The following NUP35 variants were observed in gnomAD, a reference collection of about 807,000 sequenced individuals.
The protein encoded by NUP35 is nucleoporin NUP35.
NUP35 carries 25 observed loss-of-function variants against 41.5 expected under a neutral mutation model. The ratio of observed to expected loss-of-function variants is 0.60; its 90% CI spans 0.44 to 0.84. The LOEUF is 0.84. Among genes scored for constraint, NUP35 ranks in the 40% least tolerant of loss-of-function variants. NUP35 has a pLI of 0.00. For synonymous variants in NUP35, 149 were observed against 130.7 expected (o/e 1.14, Z -0.96); for missense variants, 396 against 396.6 (o/e 1.00, Z 0.01).
intron 4 of NUP35, among the ~76,000 whole-genome samples, chr2:183,149,882 TC>T (rs1175163851): frequency 2.2e-4 from 34 of 152,172 alleles, no homozygotes; most frequent in Non-Finnish European, 1.5e-5. Flanking sequence ...AGTGTAATAA[TC>T]ACTTAATAAA....
In NUP35 at chr2:183,118,647, G is replaced by C. The variant is rs938118736; in HGVS notation, c.-121+1021G>C. The C allele has an allele frequency of 2.6e-5, 4 of 152,134 alleles. 1 individual carries two copies. The South Asian group carries it at 8.3e-4, about 32-fold the overall frequency. The allele number at this position is 152,134 out of a possible 1,614,324, so 9.4% of individuals were successfully genotyped here. ...TATGTTGTCAGCGGCAAATCCATAC[G>C]GGTCTGCAACAACAATTCTTGTGTC... is the stretch of plus-strand genomic sequence containing the variant. On this transcript the variant is annotated intron_variant, in intron 1 of 9. Coordinates refer to the NUP35 transcript ENST00000409798.
rs142308748 is a variant in NUP35, at chr2:183,135,495, A to C, written c.397+1872A>C. On this transcript the variant is annotated intron_variant, in intron 4 of 8. Coordinates refer to ENST00000295119, the MANE Select transcript of NUP35 (RefSeq NM_138285.5). ...TAGGTTATTGTCACAATTGGTCTTT[A>C]CCCAGAAAAGGTGGAAGACAATAAG... Among the ~76,000 whole-genome samples the C allele has an allele frequency of 4.0e-3, 602 of 152,278 alleles. 9 individuals are homozygous for C. The highest frequency in any genetic ancestry group is 0.017 in the East Asian group (86 of 5,182).
chr2:183,126,730 C>T (rs1684504361), intron 1 of NUP35, among the ~76,000 whole-genome samples: 1 of 151,550 alleles, frequency 6.6e-6, no homozygotes. Flanking sequence ...TAGTTGGCAG[C>T]TTTCGGATAT....
intron 1 of NUP35, chr2:183,118,221 T>A (rs1326559890): frequency 6.6e-6 from 1 of 152,328 alleles, no homozygotes; most frequent in African/African-American, 2.4e-5. Context: ...ATTTGACAGT[T>A]TATTTAGTGC....
chr2:183,159,451 G>A lies in NUP35; in HGVS notation c.739-37G>A. 5 of 1,559,510 alleles carry A rather than the reference G, an allele frequency of 3.2e-6. No individual in the cohort carries two copies. The South Asian group carries it at 5.7e-5, about 18-fold the overall frequency. On this transcript the variant is annotated intron_variant, in intron 7 of 8. Transcript: ENST00000295119. ...TGTAATACTGGATGATATGTATTAT[G>A]TTTATAAACAAAGGAGTTATTTCTT...
chr2:183,133,739 T>C, intron 4 of NUP35, 116 bp downstream of exon 4: 3 of 549,270 alleles, frequency 5.5e-6, no homozygotes, highest in Non-Finnish European at 8.7e-6. Context: ...CAAATACTTC[T>C]CTATTCTTCG....
At chr2:183,145,535 G>C (rs1685250450) in intron 4 of NUP35, among the ~76,000 whole-genome samples, 1 of 152,132 alleles carries the variant, frequency 6.6e-6, no homozygotes, top group South Asian at 2.1e-4. Context: ...ATGTACTTTA[G>C]TATTCCTCCA....
intron 4 of NUP35, among the ~76,000 whole-genome samples, chr2:183,147,229 G>GT (rs1685311292): frequency 6.6e-6 from 1 of 152,076 alleles, no homozygotes. Context: ...GTCAATCTTT[G>GT]TTTTTGTTGT....
chr2:183,158,197 T>C lies in NUP35; in HGVS notation c.610-86T>C, dbSNP rs1268883480. ...AATACGGAATGGAAGTAAATTTATCTTACCATGTTCCTATTTTCTAGTAGA... is the reference window on the plus strand; with the variant it reads ...AATACGGAATGGAAGTAAATTTATCCTACCATGTTCCTATTTTCTAGTAGA... On this transcript the variant is annotated intron_variant, in intron 6 of 8. Transcript: ENST00000295119. The C allele has an allele frequency of 9.7e-6, 10 of 1,028,798 alleles. No individual in the cohort carries two copies. In the Admixed American group the frequency reaches 2.2e-4, roughly 22 times the overall value. The allele number at this position is 1,028,798 out of a possible 1,614,324, so 63.7% of individuals were successfully genotyped here.
intron 1 of NUP35, chr2:183,118,935 T>C (rs1000028737): frequency 1.3e-5 from 2 of 152,214 alleles, no homozygotes; most frequent in South Asian, 2.1e-4. Flanking sequence ...GTTAGCACTT[T>C]GGAGGTAAGC....
At chr2:183,160,641 A>C (rs1333592793) in intron 8 of NUP35, 1 of 152,112 alleles carries the variant, frequency 6.6e-6, no homozygotes, top group Non-Finnish European at 1.5e-5. Context: ...GGCCTCCCAA[A>C]GTGCTGGGAT....
At chr2:183,124,377 G>A (rs1003970773), upstream of NUP35, 2 of 1,612,880 alleles carry the variant, frequency 1.2e-6, no homozygotes, top group Admixed American at 1.7e-5. Flanking sequence ...AAGGTAGCAC[G>A]CCGTTACCCG....
At chr2:183,132,880 C>A (rs1347905730) in intron 3 of NUP35, among the ~76,000 whole-genome samples, 1 of 152,184 alleles carries the variant, frequency 6.6e-6, no homozygotes, top group Admixed American at 6.5e-5. Flanking sequence ...AACATTCTCT[C>A]AGCATTTAGT....
upstream of NUP35, among the ~76,000 whole-genome samples, chr2:183,119,736 G>A (rs1434434723): frequency 1.3e-5 from 2 of 152,102 alleles, no homozygotes; most frequent in Non-Finnish European, 2.9e-5. Context: ...CTAGGCTGGA[G>A]TTCAGTAACA....
chr2:183,141,186 A>G (rs72894546), intron 4 of NUP35, among the ~76,000 whole-genome samples: 4,895 of 151,678 alleles, frequency 0.032, 95 homozygotes, highest in Non-Finnish European at 0.043. Flanking sequence ...TCTTCAAAGC[A>G]TATCATTCCA....
chr2:183,159,426 T>G lies in NUP35; in HGVS notation c.739-62T>G, dbSNP rs562754889. The G allele has an allele frequency of 7.4e-5, 92 of 1,237,510 alleles. 1 individual carries two copies. In the South Asian group the frequency reaches 7.6e-4, roughly 10 times the overall value. The allele number at this position is 1,237,510 out of a possible 1,614,324, so 76.7% of individuals were successfully genotyped here. A position where few individuals can be genotyped will look rare whatever the true frequency, so the allele number is the denominator to read the frequency against. On this transcript the variant is annotated intron_variant, in intron 7 of 8. Transcript: ENST00000295119. ...TTTTAATTAAATTTTCTAAGTAGGA[T>G]GTAATACTGGATGATATGTATTATG...
intron 1 of NUP35, among the ~76,000 whole-genome samples, chr2:183,117,986 T>C (rs1299016646): frequency 6.6e-6 from 1 of 152,212 alleles, no homozygotes; most frequent in South Asian, 2.1e-4. Context: ...AAGAGTCACC[T>C]GGAGTTGCGA....
At chr2:183,150,931 GAC>G (rs2105601169) in intron 4 of NUP35, among the ~76,000 whole-genome samples, 1 of 152,306 alleles carries the variant, frequency 6.6e-6, no homozygotes, top group East Asian at 1.9e-4. Flanking sequence ...TGGCATGTTG[GAC>G]ACACAGAAGT....
rs756887149 is a variant in NUP35, at chr2:183,144,439, C to T, written c.398-7069C>T. On this transcript the variant is annotated intron_variant, in intron 4 of 8. Coordinates refer to ENST00000295119, the MANE Select transcript of NUP35 (RefSeq NM_138285.5). ...TTGTTTCATGATAAGAAGTTAACAC[C>T]GCCAGGAACCTCTTTTTTCCAAGTT... 1.1e-4 allele frequency among the ~76,000 whole-genome samples: 16 copies of T among 152,146 alleles called. 1 individual carries two copies. The highest frequency in any genetic ancestry group is 5.8e-4 in the East Asian group (3 of 5,200).
Sources: allele counts gnomAD v4.1 joint callset (sites outside exome capture counted in the v4.1 genomes callset), GRCh38; gene constraint gnomAD v4.1.1; transcripts MANE v1.5; gene names NCBI Gene and HGNC (gene_info 2026-07-23, HGNC 2026-07-21).